ZNF609: variants seen among roughly 807,000 people sequenced by gnomAD.
The protein encoded by ZNF609 is zinc finger protein 609.
Under a neutral mutation model 109.5 loss-of-function variants are expected in ZNF609, and 11 were observed. The observed-to-expected ratio is 0.10, with a 90% CI of 0.06 to 0.17. The LOEUF (loss-of-function observed/expected upper bound fraction) is 0.17. Ranked by LOEUF, ZNF609 falls within the 10% of genes least tolerant of loss-of-function variation. The pLI, the probability that ZNF609 is intolerant of heterozygous loss-of-function variation, is 1.00. For missense variants in ZNF609, 1,559 were observed against 1,772.4 expected (o/e 0.88, Z 2.16); for synonymous variants, 646 against 662.0 (o/e 0.98, Z 0.37).
chr15:64,570,680 G>A (rs746294771), intron 2 of ZNF609, among the ~76,000 whole-genome samples: 12 of 152,122 alleles, frequency 7.9e-5, no homozygotes, highest in Non-Finnish European at 1.3e-4. Flanking sequence ...ATATTATCAC[G>A]ATGAGTTCAC....
intron 2 of ZNF609, among the ~76,000 whole-genome samples, chr15:64,616,372 G>A (rs1485207590): frequency 6.6e-6 from 1 of 152,018 alleles, no homozygotes; most frequent in Non-Finnish European, 1.5e-5. Context: ...TCTGTGAGAG[G>A]CAGTTGAAGT....
intron 3 of ZNF609, among the ~76,000 whole-genome samples, chr15:64,649,534 C>T (rs952208726): frequency 6.6e-6 from 1 of 152,182 alleles, no homozygotes; most frequent in Non-Finnish European, 1.5e-5. Flanking sequence ...TCCTATTCTT[C>T]TGTCAGCTCA....
At chr15:64,568,363 C>G (rs1454995880) in intron 2 of ZNF609, among the ~76,000 whole-genome samples, 1 of 152,154 alleles carries the variant, frequency 6.6e-6, no homozygotes, top group Non-Finnish European at 1.5e-5. Flanking sequence ...GTACCTCATG[C>G]CCAGCAGCAA....
chr15:64,614,561 A>G (rs941828665), intron 2 of ZNF609, among the ~76,000 whole-genome samples: 1 of 152,086 alleles, frequency 6.6e-6, no homozygotes, highest in Admixed American at 6.6e-5. Flanking sequence ...ACAAAAATAA[A>G]TAACTTAATA....
intron 3 of ZNF609, among the ~76,000 whole-genome samples, chr15:64,657,563 G>T (rs1377473699): frequency 6.6e-6 from 1 of 152,134 alleles, no homozygotes; most frequent in African/African-American, 2.4e-5. Context: ...GCAGTGAGCT[G>T]AGATCGCGCT....
intron 2 of ZNF609, among the ~76,000 whole-genome samples, chr15:64,612,627 CTTTTT>C (rs60895709): frequency 6.0e-5 from 8 of 132,280 alleles, no homozygotes; most frequent in African/African-American, 2.2e-4. Context: ...CCAGGAGCCT[CTTTTT>C]TTTTTTTTTT....
At chr15:64,498,548 G>A (rs954382852) in intron 1 of ZNF609, among the ~76,000 whole-genome samples, 4 of 152,152 alleles carry the variant, frequency 2.6e-5, no homozygotes, top group African/African-American at 9.7e-5. Flanking sequence ...CTTTATTTGT[G>A]TGTCGTCCTA....
At chr15:64,651,467 T>TA (rs1448940340) in intron 3 of ZNF609, among the ~76,000 whole-genome samples, 1 of 152,190 alleles carries the variant, frequency 6.6e-6, no homozygotes, top group Non-Finnish European at 1.5e-5. Context: ...CACCTTTTCC[T>TA]AAAAAGGTGA....
At chr15:64,601,101 G>T (rs1895491015) in intron 2 of ZNF609, among the ~76,000 whole-genome samples, 1 of 152,112 alleles carries the variant, frequency 6.6e-6, no homozygotes, top group Admixed American at 6.6e-5. Context: ...TGGCCCTCTT[G>T]TTCCTGATGC....
At chr15:64,598,109 T>C (rs1895428323) in intron 2 of ZNF609, among the ~76,000 whole-genome samples, 1 of 152,220 alleles carries the variant, frequency 6.6e-6, no homozygotes. Flanking sequence ...TCTAAACCTC[T>C]AATTCTATCT....
chr15:64,643,220 C>T (rs1344121612), intron 3 of ZNF609, among the ~76,000 whole-genome samples: 19 of 152,200 alleles, frequency 1.2e-4, no homozygotes, highest in Non-Finnish European at 2.9e-5. Flanking sequence ...TCTCCCTCAG[C>T]TCTCAGTCCT....
chr15:64,645,627 T>C (rs968711365), intron 3 of ZNF609, among the ~76,000 whole-genome samples: 3 of 152,092 alleles, frequency 2.0e-5, no homozygotes, highest in Non-Finnish European at 2.9e-5. Context: ...TATTTGCAAA[T>C]CGTGTATCTG....
chr15:64,503,063 A>AAC (rs1893584170), intron 2 of ZNF609: 1 of 151,736 alleles, frequency 6.6e-6, no homozygotes. Flanking sequence ...TGTCTCAAAA[A>AAC]AAAAAAAAAA....
At chr15:64,625,930 TATATATAGAG>T (rs1305359368) in intron 3 of ZNF609, among the ~76,000 whole-genome samples, 179 of 72,776 alleles carry the variant, frequency 2.5e-3, no homozygotes, top group African/African-American at 9.3e-3. Context: ...TATATATATA[TATATATAGAG>T]AGAGAGAGAG....
chr15:64,637,798 T>A (rs1313040940), intron 3 of ZNF609, among the ~76,000 whole-genome samples: 1 of 151,964 alleles, frequency 6.6e-6, no homozygotes, highest in African/African-American at 2.4e-5. Flanking sequence ...TTTGTGAGAT[T>A]TATGTAATAT....
intron 2 of ZNF609, among the ~76,000 whole-genome samples, chr15:64,614,181 A>T (rs1226635016): frequency 6.6e-6 from 1 of 151,626 alleles, no homozygotes; most frequent in Non-Finnish European, 1.5e-5. Flanking sequence ...TTGGACTCCC[A>T]AAGTGCTGGG....
chr15:64,522,622 G>C (rs1454294410), intron 2 of ZNF609, among the ~76,000 whole-genome samples: 1 of 152,164 alleles, frequency 6.6e-6, no homozygotes, highest in Non-Finnish European at 1.5e-5. Flanking sequence ...ATGGTGGTGA[G>C]TATGTAGGGA....
intron 2 of ZNF609, among the ~76,000 whole-genome samples, chr15:64,549,681 G>C (rs752956239): frequency 6.6e-6 from 1 of 152,090 alleles, no homozygotes; most frequent in Non-Finnish European, 1.5e-5. Flanking sequence ...GTGTGAGTGA[G>C]AGAGAGAGGG....
At position 64,674,551 on chromosome 15, in the gene ZNF609, C is replaced by T; in HGVS notation, c.1697C>T (p.Thr566Ile). Residue 566 changes from threonine (T) to isoleucine (I), a missense_variant, in exon 5 of 10, where the codon ACC (threonine) becomes ATC (isoleucine). This residue lies in a region of ZNF609 where 1,204 missense variants were observed against 1,314.1 expected (regional missense o/e 0.92). Coordinates refer to ENST00000326648, the MANE Select transcript of ZNF609 (RefSeq NM_015042.2). ...TCCTTGTCCCCTGCCCGCTCAGCTA[C>T]CCCCAAAGTTCGACTTGTAGAGCCC... ...KGSLSPARSA[T>I]PKVRLVEPHS... The T allele has an allele frequency of 1.2e-6, 2 of 1,614,086 alleles. No homozygotes were observed. The highest frequency in any genetic ancestry group is 1.7e-6 in the Non-Finnish European group (2 of 1,180,018).
Sources: allele counts gnomAD v4.1 joint callset (sites outside exome capture counted in the v4.1 genomes callset), GRCh38; gene constraint gnomAD v4.1.1; regional missense constraint gnomAD v4.1.1; transcripts MANE v1.5; gene names NCBI Gene and HGNC (gene_info 2026-07-23, HGNC 2026-07-21).